CCSER1: variants seen among roughly 807,000 people sequenced by gnomAD.
CCSER1 encodes coiled-coil serine rich protein 1, also known as serine-rich coiled-coil domain-containing protein 1.
CCSER1 carries 41 observed loss-of-function variants against 82.0 expected under a neutral mutation model. That is an observed-to-expected ratio of 0.50 (90% CI 0.39 to 0.65). The LOEUF (loss-of-function observed/expected upper bound fraction) is 0.65, where lower values mean the gene tolerates loss of function less well. CCSER1 is among the 30% of genes least tolerant of loss of function. The pLI, the probability that CCSER1 is intolerant of heterozygous loss-of-function variation, is 0.00. For missense variants in CCSER1, 1,119 were observed against 1,064.2 expected, an observed-to-expected ratio of 1.05 and a Z score of -0.72; for synonymous variants, 414 against 383.9, an observed-to-expected ratio of 1.08 and a Z score of -0.92.
chr4:90,950,333 T>G (rs941350824), intron 9 of CCSER1, among the ~76,000 whole-genome samples: 5 of 152,112 alleles, frequency 3.3e-5, no homozygotes, highest in African/African-American at 1.2e-4. Context: ...CTTTTAATTT[T>G]TTTTCCCTGA....
At chr4:90,327,045 C>T (rs1738355467) in intron 3 of CCSER1, among the ~76,000 whole-genome samples, 1 of 152,136 alleles carries the variant, frequency 6.6e-6, no homozygotes, top group Admixed American at 6.5e-5. Flanking sequence ...AGTGAAAACC[C>T]TTCAGTTTGT....
chr4:91,605,162 A>T lies in CCSER1; in HGVS notation c.*6105A>T, dbSNP rs1048639177. On this transcript the variant is annotated 3_prime_UTR_variant, in exon 11 of 11. Transcript: ENST00000509176. ...ATTTTTTGTGGCTCTTGATTTCCTA[A>T]GAAAAATAGTGATTTTTATTTAATG... 1 of 152,118 alleles carries T rather than the reference A, an allele frequency of 6.6e-6. No individual in the cohort carries two copies. The highest frequency in any genetic ancestry group is 2.4e-5 in the African/African-American group (1 of 41,466). 9.4% of individuals were successfully genotyped at this position (152,118 alleles called of 1,614,324 possible).
intron 6 of CCSER1, among the ~76,000 whole-genome samples, chr4:90,690,833 A>G (rs1165778177): frequency 4.6e-5 from 7 of 152,102 alleles, no homozygotes; most frequent in Admixed American, 2.0e-4. Flanking sequence ...ATAAAATTAC[A>G]TCACATAGAC....
chr4:90,335,557 A>G (rs1354386531), intron 3 of CCSER1, among the ~76,000 whole-genome samples: 2 of 152,218 alleles, frequency 1.3e-5, no homozygotes, highest in African/African-American at 2.4e-5. Flanking sequence ...TAAGCCTTAT[A>G]TAACATTTTC....
intron 10 of CCSER1, among the ~76,000 whole-genome samples, chr4:91,377,077 A>G (rs1268392692): frequency 6.6e-6 from 1 of 152,038 alleles, no homozygotes; most frequent in African/African-American, 2.4e-5. Context: ...AAGGACATGA[A>G]CTCATCATTT....
intron 10 of CCSER1, among the ~76,000 whole-genome samples, chr4:91,574,943 A>T (rs1202614004): frequency 6.6e-6 from 1 of 152,002 alleles, no homozygotes; most frequent in African/African-American, 2.4e-5. Context: ...AGCTGGAGGC[A>T]TTGCACTACT....
At chr4:91,042,483 T>C (rs1397444345) in intron 9 of CCSER1, among the ~76,000 whole-genome samples, 1 of 152,138 alleles carries the variant, frequency 6.6e-6, no homozygotes. Flanking sequence ...AAGTATTTTT[T>C]AAGGGTAAAA....
intron 5 of CCSER1, among the ~76,000 whole-genome samples, chr4:90,626,254 T>A (rs1723242613): frequency 6.6e-6 from 1 of 152,172 alleles, no homozygotes. Context: ...AACTATTTAC[T>A]GAGTCAGCCT....
intron 10 of CCSER1, chr4:91,325,076 TA>T: frequency 4.6e-6 from 2 of 433,126 alleles, no homozygotes; most frequent in Non-Finnish European, 9.2e-6. Flanking sequence ...CTTGGGGCCC[TA>T]AATAGCTTGG....
At chr4:90,277,257 A>C (rs191196711) in intron 1 of CCSER1, among the ~76,000 whole-genome samples, 1 of 152,290 alleles carries the variant, frequency 6.6e-6, no homozygotes, top group Non-Finnish European at 1.5e-5. Context: ...TATGGACTTA[A>C]TGCATTTCCA....
chr4:90,766,214 A>G (rs1751193879), intron 7 of CCSER1, among the ~76,000 whole-genome samples: 1 of 152,184 alleles, frequency 6.6e-6, no homozygotes, highest in African/African-American at 2.4e-5. Context: ...TGAACATAGC[A>G]GATGAGTCTT....
intron 3 of CCSER1, among the ~76,000 whole-genome samples, chr4:90,391,108 C>CAA (rs1326557051): frequency 0.12 from 6,049 of 51,754 alleles, 326 homozygotes; most frequent in African/African-American, 0.21. Context: ...ACTAAAAATA[C>CAA]AAAAAAAAAA....
intron 8 of CCSER1, among the ~76,000 whole-genome samples, chr4:90,906,597 C>T (rs1017119573): frequency 3.3e-5 from 5 of 151,954 alleles, no homozygotes; most frequent in East Asian, 3.9e-4. Context: ...CCTAAAAAAC[C>T]GAATATTTTC....
intron 3 of CCSER1, among the ~76,000 whole-genome samples, chr4:90,364,158 C>A (rs1447740720): frequency 6.6e-6 from 1 of 152,012 alleles, no homozygotes; most frequent in Non-Finnish European, 1.5e-5. Context: ...GTAACACCTA[C>A]ATTTTTACCC....
chr4:90,899,076 G>T (rs1474416732), intron 8 of CCSER1, among the ~76,000 whole-genome samples: 1 of 151,828 alleles, frequency 6.6e-6, no homozygotes, highest in African/African-American at 2.4e-5. Context: ...CTATCTATGA[G>T]CATATCATGT....
intron 9 of CCSER1, among the ~76,000 whole-genome samples, chr4:91,002,235 A>G (rs1841595): frequency 0.27 from 41,655 of 152,080 alleles, 6,900 homozygotes; most frequent in East Asian, 0.39. Flanking sequence ...TGCTGAGGCA[A>G]TGATCTTTTT....
chr4:91,230,985 A>G (rs1738583596), intron 10 of CCSER1, among the ~76,000 whole-genome samples: 1 of 151,876 alleles, frequency 6.6e-6, no homozygotes, highest in African/African-American at 2.4e-5. Flanking sequence ...GGGTACAAAG[A>G]AAATAAAACA....
chr4:91,536,755 TTAAACAA>T (rs1295024366), intron 10 of CCSER1, among the ~76,000 whole-genome samples: 2 of 152,112 alleles, frequency 1.3e-5, no homozygotes, highest in African/African-American at 4.8e-5. Flanking sequence ...TCAAAGAATA[TTAAACAA>T]TCCCCACTGT....
intron 1 of CCSER1, among the ~76,000 whole-genome samples, chr4:90,150,209 A>G (rs1471606556): frequency 1.3e-5 from 2 of 152,202 alleles, no homozygotes; most frequent in Non-Finnish European, 2.9e-5. Context: ...AGATTCTGGT[A>G]TCTGCGGGGA....
Sources: allele counts gnomAD v4.1 joint callset (sites outside exome capture counted in the v4.1 genomes callset), GRCh38; gene constraint gnomAD v4.1.1; transcripts MANE v1.5; gene names NCBI Gene and HGNC (gene_info 2026-07-23, HGNC 2026-07-21).